EYS: variants seen among roughly 807,000 people sequenced by gnomAD.
EYS encodes the protein EGF-like photoreceptor maintenance factor.
A neutral mutation model predicts 282.1 loss-of-function variants in EYS; 250 were observed. That is an observed-to-expected ratio of 0.89 (90% confidence interval 0.80 to 0.98). The LOEUF (loss-of-function observed/expected upper bound fraction) is 0.98, where lower values mean the gene tolerates loss of function less well. EYS is among the 50% of genes least tolerant of loss of function. EYS has a pLI of 0.00. For synonymous variants in EYS, 1,355 were observed against 1,282.9 expected, an observed-to-expected ratio of 1.06 and a Z score of -1.20; for missense variants, 4,016 against 3,709.0, an observed-to-expected ratio of 1.08 and a Z score of -2.15.
intron 1 of EYS, among the ~76,000 whole-genome samples, chr6:65,661,129 G>A (rs1767988291): frequency 1.3e-5 from 2 of 151,792 alleles, no homozygotes; most frequent in South Asian, 2.1e-4. Context: ...TGATTATAAT[G>A]GAAAGATGGT....
At chr6:65,617,455 T>G (rs1341190726) in intron 2 of EYS, among the ~76,000 whole-genome samples, 1 of 152,070 alleles carries the variant, frequency 6.6e-6, no homozygotes, top group Admixed American at 6.6e-5. Context: ...TACATAAAAT[T>G]AGCAAGGTAT....
intron 4 of EYS, chr6:65,491,270 TACACAC>T (rs57650145): frequency 0.022 from 3,783 of 170,076 alleles, 51 homozygotes; most frequent in Middle Eastern, 0.08. Flanking sequence ...ATCAGTTATA[TACACAC>T]ACACACACAC....
intron 34 of EYS, among the ~76,000 whole-genome samples, chr6:63,991,486 G>A (rs530455796): frequency 1.3e-5 from 2 of 151,670 alleles, no homozygotes; most frequent in South Asian, 4.1e-4. Context: ...TGAACAAAGT[G>A]AAACTATCAA....
chr6:63,801,778 G>A (rs905438067), intron 37 of EYS, among the ~76,000 whole-genome samples: 3 of 152,202 alleles, frequency 2.0e-5, no homozygotes, highest in African/African-American at 7.2e-5. Context: ...AATGGTGGTG[G>A]CAGTATTTGG....
At chr6:63,735,313 A>G (rs1222078426) in intron 41 of EYS, among the ~76,000 whole-genome samples, 1 of 152,134 alleles carries the variant, frequency 6.6e-6, no homozygotes, top group Non-Finnish European at 1.5e-5. Context: ...AATAATGGAA[A>G]TATAATTTTT....
rs1337292497 is a variant in EYS at position 64,230,760 on chromosome 6, C to T, written c.6256G>A (p.Val2086Ile). Reference protein sequence around the residue: ...FVDASDVTQGVDTMWTSVSPS... With the variant: ...FVDASDVTQGIDTMWTSVSPS... Reference sequence around the variant, plus strand: ...CTGACAGAAGTCCACATGGTATCAACCCCTTGTGTCACATCAGAAGCATCA... The same window carrying T: ...CTGACAGAAGTCCACATGGTATCAATCCCTTGTGTCACATCAGAAGCATCA... Residue 2086 changes from valine to isoleucine, a missense_variant, in exon 31 of 43, where the codon GTT (valine) becomes ATT (isoleucine). By Grantham distance (29) the Val-to-Ile change is conservative. Transcript: ENST00000503581. 4 of 1,551,432 alleles carry T rather than the reference C, an allele frequency of 2.6e-6. No individual in the cohort carries two copies. The East Asian group carries it at 9.8e-5, about 38-fold the overall frequency.
intron 12 of EYS, among the ~76,000 whole-genome samples, chr6:65,143,914 A>T (rs557895990): frequency 2.6e-5 from 4 of 152,176 alleles, no homozygotes; most frequent in African/African-American, 9.6e-5. Flanking sequence ...TAAGTAGAAA[A>T]TTCTTTTCTT....
At chr6:64,474,575 T>A (rs1039058688) in intron 26 of EYS, among the ~76,000 whole-genome samples, 1 of 152,190 alleles carries the variant, frequency 6.6e-6, no homozygotes, top group South Asian at 2.1e-4. Context: ...ATCATAACTT[T>A]TCACTTCCTG....
At chr6:63,981,444 G>T (rs1767087351) in intron 35 of EYS, among the ~76,000 whole-genome samples, 1 of 151,850 alleles carries the variant, frequency 6.6e-6, no homozygotes, top group South Asian at 2.1e-4. Flanking sequence ...CAAAGGGATT[G>T]CAGGAATATA....
chr6:64,661,062 G>C (rs1030561722), intron 22 of EYS, among the ~76,000 whole-genome samples: 6 of 152,124 alleles, frequency 3.9e-5, no homozygotes, highest in African/African-American at 7.2e-5. Context: ...GAACAGAACA[G>C]AGCCCTCAGA....
At chr6:64,526,884 A>G (rs567575409) in intron 26 of EYS, among the ~76,000 whole-genome samples, 86 of 151,974 alleles carry the variant, frequency 5.7e-4, no homozygotes, top group African/African-American at 1.9e-3. Flanking sequence ...AGCAAGGCTA[A>G]TACTGAGTTG....
intron 26 of EYS, among the ~76,000 whole-genome samples, chr6:64,441,468 G>C (rs1405596595): frequency 6.6e-6 from 1 of 152,164 alleles, no homozygotes; most frequent in Non-Finnish European, 1.5e-5. Context: ...ATGATACATG[G>C]CTCCACTAGT....
intron 13 of EYS, among the ~76,000 whole-genome samples, chr6:65,002,036 TGAA>T (rs1157451966): frequency 9.7e-6 from 1 of 103,226 alleles, no homozygotes; most frequent in African/African-American, 3.4e-5. Context: ...AAAATATTTA[TGAA>T]GAACTTTTAA....
At position 65,671,279 on chromosome 6, in the gene EYS, T is replaced by A. The variant is rs549445619; in HGVS notation, c.-447-31387A>T. ...TTGTAAATGTTTCTATTTTGGATAT[T>A]ATTTTATTTTACATGAAAACAAAGA... is the stretch of plus-strand genomic sequence containing the variant. On this transcript the variant is annotated intron_variant, in intron 1 of 42. Transcript: ENST00000503581. 6.6e-5 allele frequency among the ~76,000 whole-genome samples: 10 copies of A among 152,214 alleles called. No individual in the cohort carries two copies. The East Asian group carries it at 1.9e-3, about 30-fold the overall frequency.
intron 2 of EYS, among the ~76,000 whole-genome samples, chr6:65,516,745 G>T (rs1767151213): frequency 6.6e-6 from 1 of 151,964 alleles, no homozygotes; most frequent in Admixed American, 6.6e-5. Flanking sequence ...AGGATGCCTG[G>T]TATTACTAAC....
chr6:64,591,537 G>A lies in EYS; in HGVS notation c.4330C>T (p.Leu1444Phe), dbSNP rs1005171764. The change falls in exon 26 of 43, where the codon CTC (leucine) becomes TTC (phenylalanine). Residue 1444 changes from leucine to phenylalanine, a missense_variant. Transcript: ENST00000503581. ...ADIELNRQSL[L>F]SRGFLLIAAS... ...GCTATAAGCAGGAATCCACGGGAGA[G>A]TAATGACTGCCTGTTTAGCTCAATA... 3.9e-6 allele frequency: 6 copies of A among 1,551,170 alleles called. No individual in the cohort carries two copies. Among genetic ancestry groups the A allele is most frequent in the East Asian group, 2.4e-5 (1 of 40,902 alleles).
intron 30 of EYS, among the ~76,000 whole-genome samples, chr6:64,272,450 C>A (rs890372174): frequency 6.6e-6 from 1 of 152,150 alleles, no homozygotes; most frequent in Non-Finnish European, 1.5e-5. Context: ...CCTTCAGGAG[C>A]TCTTGTAAGT....
intron 35 of EYS, among the ~76,000 whole-genome samples, chr6:63,917,054 T>C (rs1343920500): frequency 6.6e-6 from 1 of 152,250 alleles, no homozygotes; most frequent in Non-Finnish European, 1.5e-5. Flanking sequence ...GTACTGTTCA[T>C]GACGGCAATA....
At chr6:64,352,594 T>C (rs942002775) in intron 29 of EYS, among the ~76,000 whole-genome samples, 2 of 151,544 alleles carry the variant, frequency 1.3e-5, no homozygotes, top group Admixed American at 1.3e-4. Flanking sequence ...AACTCAGTGA[T>C]GGTATATAGC....
Sources: allele counts gnomAD v4.1 joint callset (sites outside exome capture counted in the v4.1 genomes callset), GRCh38; gene constraint gnomAD v4.1.1; transcripts MANE v1.5; gene names NCBI Gene and HGNC (gene_info 2026-07-23, HGNC 2026-07-21).